ZNF75D: variants seen among roughly 807,000 people sequenced by gnomAD.
The protein encoded by ZNF75D is zinc finger protein 75.
A neutral mutation model predicts 33.3 loss-of-function variants in ZNF75D; 33 were observed. The ratio of observed to expected loss-of-function variants is 0.99; its 90% CI spans 0.75 to 1.32. The LOEUF is 1.32. Among genes scored for constraint, ZNF75D ranks in the 40% most tolerant of loss-of-function variants. ZNF75D has a pLI of 0.00. For missense variants in ZNF75D, 338 were observed against 367.5 expected (o/e 0.92, Z 0.66); for synonymous variants, 113 against 130.6 (o/e 0.87, Z 0.92).
chrX:135,259,273 T>G (rs2148458918), intron 1 of ZNF75D, among the ~76,000 whole-genome samples: 1 of 112,038 alleles, frequency 8.9e-6, no homozygotes, highest in African/African-American at 3.2e-5. Flanking sequence ...GTCTTGGCAA[T>G]GCAGGCTCTT....
Position 135,286,812 on chromosome X carries a change from G to A in ZNF75D, c.*325C>T, listed in dbSNP as rs782477002. On this transcript the variant is annotated 3_prime_UTR_variant, in exon 7 of 7. Coordinates refer to ENST00000370766, the MANE Select transcript of ZNF75D (RefSeq NM_007131.5). ...GAGCCTTGACTATCATATGTCTGTT[G>A]AGCACTTGATACCTGAAAAATTTAG... 6 of 211,652 alleles carry A rather than the reference G, an allele frequency of 2.8e-5. No individual in the cohort carries two copies. The highest frequency in any genetic ancestry group is 5.0e-5 in the Non-Finnish European group (6 of 120,660). 17.4% of individuals were successfully genotyped at this position (211,652 alleles called of 1,213,427 possible).
chrX:135,294,774 T>A (rs956357041), intron 2 of ZNF75D, among the ~76,000 whole-genome samples: 6 of 111,878 alleles, frequency 5.4e-5, no homozygotes, highest in Admixed American at 9.5e-5. Context: ...CCTTTTATAC[T>A]GTATCAATGC....
At position 135,293,772 on chromosome X, in the gene ZNF75D, C is replaced by T; in HGVS notation, c.369G>A (p.Leu123=). The change falls in exon 3 of 7, where the codon CTG becomes CTA. Residue 123 remains leucine, a synonymous_variant. Coordinates refer to ENST00000370766, the MANE Select transcript of ZNF75D (RefSeq NM_007131.5). ...HPQNVKQALV[L]VEFLQREPDG... is the part of the protein sequence containing the mutation. ...CAGGCTCCCTCTGCAAGAATTCCAC[C>T]AGGACCAGAGCCTGTTTGACATTCT... 8.4e-7 allele frequency: 1 copy of T among 1,192,929 alleles called. No homozygotes were observed.
At chrX:135,257,895 C>T (rs782760953) in intron 1 of ZNF75D, among the ~76,000 whole-genome samples, 47 of 110,153 alleles carry the variant, frequency 4.3e-4, no homozygotes, top group African/African-American at 8.2e-4. Context: ...ATGTGCCATG[C>T]TGGTTTGCTG....
chrX:135,326,460 G>A (rs1432364769), intron 1 of ZNF75D, among the ~76,000 whole-genome samples: 2 of 111,644 alleles, frequency 1.8e-5, no homozygotes, highest in South Asian at 3.8e-4. Flanking sequence ...GATTGTAAAC[G>A]CACCAATCAG....
At chrX:135,258,249 T>C (rs1430632650) in intron 1 of ZNF75D, among the ~76,000 whole-genome samples, 1 of 107,334 alleles carries the variant, frequency 9.3e-6, no homozygotes, top group Admixed American at 1.0e-4. Flanking sequence ...AGTGCTGCAA[T>C]AAACATACGT....
chrX:135,330,243 G>A lies in ZNF75D; in HGVS notation c.-391+11525C>T, dbSNP rs1056288756. 4 of 111,888 alleles carry A rather than the reference G, an allele frequency of 3.6e-5. No individual in the cohort carries two copies. In the Admixed American group the frequency reaches 3.8e-4, roughly 11 times the overall value. The allele number at this position is 111,888 out of a possible 1,213,427, so 9.2% of individuals were successfully genotyped here. Reference sequence around the variant, plus strand: ...TCTTATGACTGCTGCTGGTAGCAGAGTGTGTTAGTATGTGTCTGTGTGGGT... The same window carrying A: ...TCTTATGACTGCTGCTGGTAGCAGAATGTGTTAGTATGTGTCTGTGTGGGT... On this transcript the variant is annotated intron_variant, in intron 1 of 6. Coordinates refer to ENST00000370766, the MANE Select transcript of ZNF75D (RefSeq NM_007131.5).
intron 1 of ZNF75D, among the ~76,000 whole-genome samples, chrX:135,306,651 T>C (rs1317049585): frequency 8.9e-6 from 1 of 112,131 alleles, no homozygotes; most frequent in Non-Finnish European, 1.9e-5. Context: ...TAGAGGAGAA[T>C]TGATGCCATT....
Position 135,343,134 on chromosome X carries a change from C to A in ZNF75D, c.-1757G>T, listed in dbSNP as rs1556445755. 1 of 112,071 alleles carries A rather than the reference C, an allele frequency of 8.9e-6. No individual in the cohort carries two copies. Among genetic ancestry groups the A allele is most frequent in the East Asian group, 2.8e-4 (1 of 3,560 alleles). The allele number at this position is 112,071 out of a possible 1,213,427, so 9.2% of individuals were successfully genotyped here. A position where few individuals can be genotyped will look rare whatever the true frequency, so the allele number is the denominator to read the frequency against. On this transcript the variant is annotated 5_prime_UTR_variant, in exon 1 of 7. Coordinates refer to ENST00000370766, the MANE Select transcript of ZNF75D (RefSeq NM_007131.5). ...GTCTACTCAGGGCAATCAAGAAAAT[C>A]TGAATGGGGAATTAAGACAGCGAGA...
At position 135,333,673 on chromosome X, in the gene ZNF75D, A is replaced by G. The variant is rs2084677354; in HGVS notation, c.-391+8095T>C. ...GGCTGATGAGACATTTTCCTACACAATATCATGGGATGGACAAAGAATAGA... is the reference window on the plus strand; with the variant it reads ...GGCTGATGAGACATTTTCCTACACAGTATCATGGGATGGACAAAGAATAGA... On this transcript the variant is annotated intron_variant, in intron 1 of 6. Coordinates refer to ENST00000370766, the MANE Select transcript of ZNF75D (RefSeq NM_007131.5). Among the ~76,000 whole-genome samples, 3 of 111,629 alleles carry G rather than the reference A, an allele frequency of 2.7e-5. No homozygotes were observed. In the South Asian group the frequency reaches 1.1e-3, roughly 42 times the overall value.
chrX:135,308,427 T>A (rs1291047172), intron 1 of ZNF75D, among the ~76,000 whole-genome samples: 1 of 112,150 alleles, frequency 8.9e-6, no homozygotes, highest in Non-Finnish European at 1.9e-5. Context: ...CTAACTAATC[T>A]ACCTGATAAA....
chrX:135,304,689 C>T (rs1163431578), intron 1 of ZNF75D, among the ~76,000 whole-genome samples: 10 of 112,610 alleles, frequency 8.9e-5, no homozygotes, highest in Non-Finnish European at 1.7e-4. Flanking sequence ...AGAGTTCCTA[C>T]AACCAGTTTC....
In ZNF75D at chrX:135,343,536, AC is replaced by A. The variant is rs1199733434; in HGVS notation, c.-2160del. Reference sequence around the variant, plus strand: ...GCACCAGCAGCCTCTTGGAAGCAGAACCCTCAGAAGCACAGGTGGGAGGCCG... The same window carrying A: ...GCACCAGCAGCCTCTTGGAAGCAGAACCTCAGAAGCACAGGTGGGAGGCCG... On this transcript the variant is annotated 5_prime_UTR_variant, in exon 1 of 7. Transcript: ENST00000370766. 8.9e-6 allele frequency: 1 copy of A among 111,995 alleles called. No homozygotes were observed. The highest frequency in any genetic ancestry group is 1.9e-5 in the Non-Finnish European group (1 of 53,254). 9.2% of individuals were successfully genotyped at this position (111,995 alleles called of 1,213,427 possible).
chrX:135,341,420 C>G (rs2084782338), intron 1 of ZNF75D, among the ~76,000 whole-genome samples: 1 of 112,065 alleles, frequency 8.9e-6, no homozygotes, highest in Non-Finnish European at 1.9e-5. Context: ...TGCAGTTCAC[C>G]AGTCAGAGTT....
At chrX:135,316,822 T>A (rs781898128) in intron 1 of ZNF75D, among the ~76,000 whole-genome samples, 2 of 109,871 alleles carry the variant, frequency 1.8e-5, no homozygotes, top group Non-Finnish European at 3.8e-5. Context: ...TTCCAGAATT[T>A]TTTTTAATGA....
chrX:135,334,926 G>T (rs2084692379), intron 1 of ZNF75D, among the ~76,000 whole-genome samples: 1 of 111,444 alleles, frequency 9.0e-6, no homozygotes, highest in South Asian at 3.8e-4. Flanking sequence ...GCCCAGAGAA[G>T]ATTGGAGGTC....
intron 1 of ZNF75D, among the ~76,000 whole-genome samples, chrX:135,325,659 C>T (rs1258541878): frequency 1.8e-5 from 2 of 112,833 alleles, no homozygotes; most frequent in Admixed American, 9.2e-5. Flanking sequence ...GCGATGCACT[C>T]GATTTCTCAC....
At chrX:135,289,508 C>T (rs782125876) in intron 6 of ZNF75D, among the ~76,000 whole-genome samples, 5 of 110,445 alleles carry the variant, frequency 4.5e-5, no homozygotes, top group East Asian at 2.9e-4. Context: ...CCCAGCTACT[C>T]GGGATGCTGA....
chrX:135,313,698 T>C (rs782047077), intron 1 of ZNF75D, among the ~76,000 whole-genome samples: 9 of 111,683 alleles, frequency 8.1e-5, no homozygotes, highest in Non-Finnish European at 1.7e-4. Context: ...CTTGCAGAAA[T>C]CTTTCATCTC....
Sources: gnomAD v4.1 joint callset for allele counts (sites outside exome capture counted in the v4.1 genomes callset) on GRCh38, gnomAD v4.1.1 for gene constraint, MANE v1.5 for transcripts, NCBI Gene and HGNC (gene_info 2026-07-23, HGNC 2026-07-21) for gene names.